The following CHM variants were observed in gnomAD, a reference collection of about 807,000 sequenced individuals.
CHM encodes the protein CHM Rab escort protein.
CHM carries 10 observed loss-of-function variants against 49.0 expected under a neutral mutation model. The observed-to-expected ratio is 0.20, with a 90% CI of 0.13 to 0.35. The LOEUF (loss-of-function observed/expected upper bound fraction) is 0.35. Ranked by LOEUF, CHM falls within the 10% of genes least tolerant of loss-of-function variation. CHM has a pLI of 1.00. For missense variants in CHM, 455 were observed against 478.4 expected (o/e 0.95, Z 0.46); for synonymous variants, 184 against 167.5 (o/e 1.10, Z -0.76).
At chrX:85,938,936 A>C (rs919351833) in intron 8 of CHM, among the ~76,000 whole-genome samples, 1 of 111,847 alleles carries the variant, frequency 8.9e-6, no homozygotes, top group African/African-American at 3.3e-5. Context: ...ATTTCAGAGA[A>C]TAATGGACCA....
intron 13 of CHM, among the ~76,000 whole-genome samples, chrX:85,874,709 C>G (rs1297547207): frequency 1.8e-5 from 2 of 111,502 alleles, no homozygotes; most frequent in Non-Finnish European, 3.8e-5. Flanking sequence ...GTGCTAAGAT[C>G]TACGAGTCAT....
chrX:85,912,705 A>T (rs1284444299), intron 8 of CHM, among the ~76,000 whole-genome samples: 1 of 111,354 alleles, frequency 9.0e-6, no homozygotes, highest in Non-Finnish European at 1.9e-5. Context: ...CAACATAATC[A>T]CAAGTGTCTT....
At chrX:85,974,665 T>A (rs1238101349) in intron 4 of CHM, among the ~76,000 whole-genome samples, 2 of 110,646 alleles carry the variant, frequency 1.8e-5, no homozygotes, top group East Asian at 5.7e-4. Flanking sequence ...TAAATGGTGT[T>A]GAAGCAATTG....
chrX:85,944,309 A>C (rs1185565596), intron 8 of CHM, among the ~76,000 whole-genome samples: 1 of 112,158 alleles, frequency 8.9e-6, no homozygotes, highest in Non-Finnish European at 1.9e-5. Flanking sequence ...AGAACTAAAA[A>C]ACACTCCGTA....
chrX:86,012,764 A>T (rs1383498146), intron 2 of CHM, among the ~76,000 whole-genome samples: 4 of 111,362 alleles, frequency 3.6e-5, no homozygotes, highest in Non-Finnish European at 7.5e-5. Flanking sequence ...GCAATATAAT[A>T]GAAATATGTG....
chrX:86,015,970 T>C (rs1428405738), intron 2 of CHM, among the ~76,000 whole-genome samples: 1 of 110,610 alleles, frequency 9.0e-6, no homozygotes, highest in Non-Finnish European at 1.9e-5. Context: ...CCGTCTCTAC[T>C]GAAAATACAA....
intron 8 of CHM, among the ~76,000 whole-genome samples, chrX:85,931,349 T>C (rs1415618242): frequency 9.0e-6 from 1 of 111,187 alleles, no homozygotes; most frequent in Non-Finnish European, 1.9e-5. Flanking sequence ...CCTTACCTAA[T>C]ATATGCACTG....
At chrX:86,008,003 C>A (rs1004649479) in intron 2 of CHM, among the ~76,000 whole-genome samples, 1 of 111,885 alleles carries the variant, frequency 8.9e-6, no homozygotes, top group African/African-American at 3.3e-5. Context: ...ACTTGGAACC[C>A]ACCCAAATGT....
chrX:85,963,183 C>T (rs1219925743), intron 5 of CHM, among the ~76,000 whole-genome samples: 2 of 111,480 alleles, frequency 1.8e-5, no homozygotes, highest in Admixed American at 9.6e-5. Flanking sequence ...TCCCTAACCC[C>T]CAACCCCGAC....
intron 2 of CHM, among the ~76,000 whole-genome samples, chrX:86,000,253 C>A (rs774752926): frequency 3.6e-5 from 3 of 83,005 alleles, no homozygotes; most frequent in African/African-American, 4.6e-5. Flanking sequence ...AGCTACCTAA[C>A]TAAGTAAGTC....
intron 4 of CHM, chrX:85,971,209 C>G (rs1485440833): frequency 1.3e-6 from 1 of 753,564 alleles, no homozygotes; most frequent in African/African-American, 2.3e-5. Context: ...TTTGAATTCT[C>G]GCCTAGTCCT....
At chrX:85,901,981 C>G (rs1455686361) in intron 9 of CHM, among the ~76,000 whole-genome samples, 2 of 111,732 alleles carry the variant, frequency 1.8e-5, no homozygotes, top group Admixed American at 9.6e-5. Context: ...CTTTATAGGG[C>G]TCATTATCCA....
chrX:85,862,180 AG>A lies in CHM; in HGVS notation c.*2449del, dbSNP rs1344821986. ...AGATTCTGATGCTAATGGATGAAACAGGGTACAATAATGGACCACAAACTAT... is the reference window on the plus strand; with the variant it reads ...AGATTCTGATGCTAATGGATGAAACAGGTACAATAATGGACCACAAACTAT... On this transcript the variant is annotated 3_prime_UTR_variant, in exon 15 of 15. Coordinates refer to ENST00000357749, the MANE Select transcript of CHM (RefSeq NM_000390.4). The A allele has an allele frequency of 8.9e-6, 1 of 112,249 alleles. No homozygotes were observed. Among genetic ancestry groups the A allele is most frequent in the Non-Finnish European group, 1.9e-5 (1 of 53,221 alleles). 9.3% of individuals were successfully genotyped at this position (112,249 alleles called of 1,213,427 possible).
At chrX:85,996,795 T>C (rs147727139) in intron 2 of CHM, among the ~76,000 whole-genome samples, 1,228 of 111,837 alleles carry the variant, frequency 0.011, 15 homozygotes, top group African/African-American at 0.037. Flanking sequence ...CACTATCTTA[T>C]GTAAAAATGC....
intron 2 of CHM, among the ~76,000 whole-genome samples, chrX:86,007,087 G>C (rs1932875550): frequency 9.0e-6 from 1 of 111,239 alleles, no homozygotes; most frequent in African/African-American, 3.3e-5. Flanking sequence ...ACAGAACAGA[G>C]CCCTCAGAAA....
At chrX:85,925,993 T>A (rs1275342106) in intron 8 of CHM, among the ~76,000 whole-genome samples, 2 of 111,060 alleles carry the variant, frequency 1.8e-5, no homozygotes, top group Admixed American at 1.9e-4. Context: ...TGTGAAATAG[T>A]CCGTTAGCAA....
chrX:85,941,622 C>G lies in CHM; in HGVS notation c.1166+14531G>C, dbSNP rs1333500016. Among the ~76,000 whole-genome samples the G allele has an allele frequency of 2.7e-5, 3 of 111,455 alleles. No homozygotes were observed. The East Asian group carries it at 8.4e-4, about 31-fold the overall frequency. ...CAACTGAAGTTGGAAAAACCTGCCA[C>G]CTATTTTTAGAAATAAATTTTTTAG... On this transcript the variant is annotated intron_variant, in intron 8 of 14. Coordinates refer to ENST00000357749, the MANE Select transcript of CHM (RefSeq NM_000390.4).
At chrX:85,937,262 CAAA>C (rs1160612271) in intron 8 of CHM, among the ~76,000 whole-genome samples, 2 of 42,710 alleles carry the variant, frequency 4.7e-5, no homozygotes. Context: ...GAGACTCCGT[CAAA>C]AAAAAAAAAA....
intron 13 of CHM, among the ~76,000 whole-genome samples, chrX:85,876,836 G>C (rs1924448759): frequency 9.0e-6 from 1 of 111,164 alleles, no homozygotes; most frequent in African/African-American, 3.3e-5. Flanking sequence ...ATCTAAAATG[G>C]ATAGAGGATG....
Sources: gnomAD v4.1 joint callset for allele counts (sites outside exome capture counted in the v4.1 genomes callset) on GRCh38, gnomAD v4.1.1 for gene constraint, MANE v1.5 for transcripts, NCBI Gene and HGNC (gene_info 2026-07-23, HGNC 2026-07-21) for gene names.